The following GZMB variants were observed in gnomAD, a reference collection of about 807,000 sequenced individuals.
GZMB encodes granzyme B, also known as T-cell serine protease 1-3E.
In GZMB, 27 loss-of-function variants were observed where a neutral mutation model predicts 24.2. The observed-to-expected ratio is 1.12, with a 90% CI of 0.82 to 1.54. The LOEUF (loss-of-function observed/expected upper bound fraction) is 1.54. Among genes scored for constraint, GZMB ranks in the 40% most tolerant of loss-of-function variants. The pLI, the probability that GZMB is intolerant of heterozygous loss-of-function variation, is 0.00. For missense variants in GZMB, 336 were observed against 310.1 expected (o/e 1.08, Z -0.63); for synonymous variants, 121 against 115.1 (o/e 1.05, Z -0.33).
At position 24,633,056 on chromosome 14, in the gene GZMB, A is replaced by G; in HGVS notation, c.62T>C (p.Ile21Thr). 1 of 1,606,770 alleles carries G rather than the reference A, an allele frequency of 6.2e-7. No homozygotes were observed. The highest frequency in any genetic ancestry group is 8.5e-7 in the Non-Finnish European group (1 of 1,176,002). ...LLLPRADAGE[I>T]IGGHEAKPHS... ...GGGCTTGGCCTCATGTCCCCCGATG[A>G]TCTCCCCTGAAGGAAAAGTCTGTCT... The change falls in exon 2 of 5, where the codon ATC becomes ACC. Residue 21 changes from isoleucine (I) to threonine (T), a missense_variant. By Grantham distance (89) the Ile-to-Thr change is moderately conservative. Transcript: ENST00000216341.
At position 24,632,023 on chromosome 14, in the gene GZMB, G is replaced by A. The variant is rs561541610; in HGVS notation, c.435C>T (p.Ala145=). 50 of 1,614,042 alleles carry A rather than the reference G, an allele frequency of 3.1e-5. No individual in the cohort carries two copies. The highest frequency in any genetic ancestry group is 2.3e-4 in the South Asian group (21 of 91,086). Residue 145 remains alanine, a synonymous_variant, in exon 4 of 5, where the codon GCC becomes GCT. Coordinates refer to ENST00000216341, the MANE Select transcript of GZMB (RefSeq NM_004131.6). ...CCAGGGGGGCCGTCTGCCCCCAGCC[G>A]GCCACACTGCATGTCTGCCCTGGCT... ...QVKPGQTCSV[A]GWGQTAPLGK... is the part of the protein sequence containing the mutation.
At chr14:24,633,349 G>A (rs975093712) in intron 1 of GZMB, 8 of 981,132 alleles carry the variant, frequency 8.2e-6, no homozygotes, top group African/African-American at 7.0e-5. Context: ...TTTGTTTCAG[G>A]TGAGTTTCCA....
chr14:24,632,215 A>G (rs1165353375), intron 3 of GZMB, 97 bp from the exon 4 acceptor site: 1 of 1,510,074 alleles, frequency 6.6e-7, no homozygotes, highest in Non-Finnish European at 9.1e-7. Flanking sequence ...CCTCTGAGGC[A>G]TAGGAACTAA....
intron 2 of GZMB, 83 bp downstream of exon 2, chr14:24,632,832 G>C: frequency 2.2e-6 from 3 of 1,371,472 alleles, no homozygotes; most frequent in Non-Finnish European, 3.1e-6. Flanking sequence ...GTGTTCACAG[G>C]AGCCCAGGGA....
intron 1 of GZMB, among the ~76,000 whole-genome samples, chr14:24,633,652 G>C (rs748154978): frequency 2.6e-5 from 4 of 152,190 alleles, no homozygotes; most frequent in Non-Finnish European, 5.9e-5. Flanking sequence ...CAGAGTTGGA[G>C]AATGGGACTG....
Position 24,633,039 on chromosome 14 carries a change from C to A in GZMB, c.79G>T (p.Ala27Ser). ...DAGEIIGGHE[A>S]KPHSRPYMAY... The stretch of plus-strand genomic sequence containing the variant: ...ATGTAGGGGCGGGAGTGGGGCTTGG[C>A]CTCATGTCCCCCGATGATCTCCCCT... Residue 27 changes from alanine (A) to serine (S), a missense_variant, in exon 2 of 5, where the codon GCC (alanine) becomes TCC (serine). By Grantham distance (99) the Ala-to-Ser change is moderately conservative (BLOSUM62 1). Transcript: ENST00000216341. The A allele has an allele frequency of 6.2e-7, 1 of 1,611,126 alleles. No individual in the cohort carries two copies. Among genetic ancestry groups the A allele is most frequent in the Non-Finnish European group, 8.5e-7 (1 of 1,178,472 alleles).
intron 1 of GZMB, 120 bp downstream of exon 1, chr14:24,633,986 G>T (rs2067020470): frequency 3.4e-6 from 3 of 893,446 alleles, no homozygotes; most frequent in Non-Finnish European, 5.5e-6. Context: ...GGGGGGTCTT[G>T]GTAGAATGGG....
rs1339156722 is a variant in GZMB at position 24,633,083 on chromosome 14, C to T, written c.56-21G>A. On this transcript the variant is annotated intron_variant, in intron 1 of 4. Coordinates refer to ENST00000216341, the MANE Select transcript of GZMB (RefSeq NM_004131.6). ...CTCCCCTGAAGGAAAAGTCTGTCTG[C>T]TTGTGGGCACCCATGGAATCTGCTG... The T allele has an allele frequency of 3.8e-6, 6 of 1,580,312 alleles. No homozygotes were observed. The South Asian group carries it at 4.6e-5, about 12-fold the overall frequency.
At chr14:24,631,339 G>C (rs1366993488) in intron 4 of GZMB, 125 bp from the exon 5 acceptor site, 3 of 768,824 alleles carry the variant, frequency 3.9e-6, no homozygotes, top group Admixed American at 2.9e-5. Context: ...AGAGGGCAGG[G>C]CAGGCCGCTG....
intron 1 of GZMB, 81 bp downstream of exon 1, chr14:24,634,025 T>C: frequency 1.6e-6 from 2 of 1,216,328 alleles, no homozygotes; most frequent in Non-Finnish European, 2.4e-6. Flanking sequence ...TCCTGGTAGA[T>C]AGATGGATCA....
chr14:24,633,309 G>A (rs2067015207), intron 1 of GZMB: 2 of 985,062 alleles, frequency 2.0e-6, no homozygotes, highest in South Asian at 9.4e-5. Flanking sequence ...AAATCCCAGA[G>A]GCTCCTGATC....
In GZMB at chr14:24,631,888, C is replaced by A. The variant is rs568718229; in HGVS notation, c.570G>T (p.Gly190=). The change falls in exon 4 of 5, where the codon GGG becomes GGT. Residue 190 remains glycine (G), a synonymous_variant. Coordinates refer to ENST00000216341, the MANE Select transcript of GZMB (RefSeq NM_004131.6). The part of the protein sequence containing the change: ...YYDSTIELCV[G]DPEIKKTSFK... ...AGGAAGTCTTTTTAATCTCTGGGTC[C>A]CCCACGCACAACTCAATGGTACTGT... 1 of 1,613,862 alleles carries A rather than the reference C, an allele frequency of 6.2e-7. No individual in the cohort carries two copies. Among genetic ancestry groups the A allele is most frequent in the East Asian group, 2.2e-5 (1 of 44,882 alleles).
At chr14:24,633,693 G>A (rs996627155) in intron 1 of GZMB, among the ~76,000 whole-genome samples, 1 of 152,228 alleles carries the variant, frequency 6.6e-6, no homozygotes, top group Non-Finnish European at 1.5e-5. Flanking sequence ...TCTGAGGACA[G>A]TGATTGTACC....
Position 24,631,974 on chromosome 14 carries a change from C to T in GZMB, c.484G>A (p.Glu162Lys), listed in dbSNP as rs555421192. ...TCTTCCTGCACTGTCATCTTCACCTCTTGTAGTGTGTGTGAGTGTTTTCCC... is the reference window on the plus strand; with the variant it reads ...TCTTCCTGCACTGTCATCTTCACCTTTTGTAGTGTGTGTGAGTGTTTTCCC... The part of the protein sequence containing the change: ...PLGKHSHTLQ[E>K]VKMTVQEDRK... The change falls in exon 4 of 5, where the codon GAG becomes AAG. Residue 162 changes from glutamate to lysine, a missense_variant. Coordinates refer to ENST00000216341, the MANE Select transcript of GZMB (RefSeq NM_004131.6). 37 of 1,614,230 alleles carry T rather than the reference C, an allele frequency of 2.3e-5. 2 individuals carry two copies. In the South Asian group the frequency reaches 3.8e-4, roughly 17 times the overall value.
At position 24,632,071 on chromosome 14, in the gene GZMB, T is replaced by G. The variant is rs577283580; in HGVS notation, c.387A>C (p.Leu129=). ...KRTRAVQPLR[L]PSNKAQVKPG... ...GCTTCACCTGGGCCTTGTTGCTAGG[T>G]AGCCTGAGGGGCTGCACAGCTCTGG... Residue 129 remains leucine, a synonymous_variant, in exon 4 of 5, where the codon CTA becomes CTC. Coordinates refer to ENST00000216341, the MANE Select transcript of GZMB (RefSeq NM_004131.6). The G allele has an allele frequency of 3.7e-6, 6 of 1,614,044 alleles. No individual in the cohort carries two copies. The highest frequency in any genetic ancestry group is 5.1e-6 in the Non-Finnish European group (6 of 1,179,994).
In GZMB at chr14:24,632,030, C is replaced by A. The variant is rs2067000127; in HGVS notation, c.428G>T (p.Ser143Ile). Reference sequence around the variant, plus strand: ...GGCCGTCTGCCCCCAGCCGGCCACACTGCATGTCTGCCCTGGCTTCACCTG... The same window carrying A: ...GGCCGTCTGCCCCCAGCCGGCCACAATGCATGTCTGCCCTGGCTTCACCTG... ...KAQVKPGQTCSVAGWGQTAPL... is the reference protein window; with the variant it reads ...KAQVKPGQTCIVAGWGQTAPL... Residue 143 changes from serine (S) to isoleucine (I), a missense_variant, in exon 4 of 5, where the codon AGT becomes ATT. Physicochemically the swap from Ser to Ile is moderately radical, Grantham distance 142 (BLOSUM62 -2). Coordinates refer to ENST00000216341, the MANE Select transcript of GZMB (RefSeq NM_004131.6). The A allele has an allele frequency of 1.2e-6, 2 of 1,614,110 alleles. No homozygotes were observed. The highest frequency in any genetic ancestry group is 2.2e-5 in the South Asian group (2 of 91,092).
chr14:24,631,761 G>A (rs935572684), intron 4 of GZMB, 97 bp downstream of exon 4: 2 of 956,248 alleles, frequency 2.1e-6, no homozygotes, highest in African/African-American at 1.6e-5. Context: ...ACAGTCTAGT[G>A]GGTGAAGGAG....
intron 1 of GZMB, 28 bp downstream of exon 1, chr14:24,634,078 G>GC: frequency 1.3e-6 from 2 of 1,573,680 alleles, no homozygotes; most frequent in Non-Finnish European, 1.7e-6. Context: ...ATGGGGTTGG[G>GC]CCCCCGAGGG....
chr14:24,632,036 G>A lies in GZMB; in HGVS notation c.422C>T (p.Thr141Ile), dbSNP rs748280757. ...CTGCCCCCAGCCGGCCACACTGCAT[G>A]TCTGCCCTGGCTTCACCTGGGCCTT... ...SNKAQVKPGQ[T>I]CSVAGWGQTA... The change falls in exon 4 of 5, where the codon ACA (threonine) becomes ATA (isoleucine). Residue 141 changes from threonine (T) to isoleucine (I), a missense_variant. Physicochemically the swap from Thr to Ile is moderately conservative, Grantham distance 89 (BLOSUM62 -1). Transcript: ENST00000216341. 6 of 1,614,192 alleles carry A rather than the reference G, an allele frequency of 3.7e-6. No individual in the cohort carries two copies. Among genetic ancestry groups the A allele is most frequent in the Admixed American group, 3.3e-5 (2 of 60,018 alleles).
Sources: allele counts gnomAD v4.1 joint callset (sites outside exome capture counted in the v4.1 genomes callset), GRCh38; gene constraint gnomAD v4.1.1; transcripts MANE v1.5; gene names NCBI Gene and HGNC (gene_info 2026-07-23, HGNC 2026-07-21).